NSRP1: variants seen among roughly 807,000 people sequenced by gnomAD.
The protein encoded by NSRP1 is nuclear speckle splicing regulatory protein 1, also known as coiled-coil domain containing 55.
NSRP1 carries 24 observed loss-of-function variants against 54.7 expected under a neutral mutation model. The ratio of observed to expected loss-of-function variants is 0.44; its 90% CI spans 0.32 to 0.62. The LOEUF (loss-of-function observed/expected upper bound fraction) is 0.62, where lower values mean the gene tolerates loss of function less well. Ranked by LOEUF, NSRP1 falls within the 20% of genes least tolerant of loss-of-function variation. The pLI is 0.06. For synonymous variants in NSRP1, 210 were observed against 213.8 expected, an observed-to-expected ratio of 0.98 and a Z score of 0.15; for missense variants, 596 against 651.2, an observed-to-expected ratio of 0.92 and a Z score of 0.92.
chr17:30,122,387 T>TATATATTTA (rs56155916), intron 2 of NSRP1: 1 of 8,848 alleles, frequency 1.1e-4, no homozygotes, highest in Non-Finnish European at 2.1e-4. Flanking sequence ...ATATATATAT[T>TATATATTTA]TTTTTTTTTT....
At chr17:30,158,700 A>T (rs1904408447) in intron 2 of NSRP1, among the ~76,000 whole-genome samples, 1 of 152,068 alleles carries the variant, frequency 6.6e-6, no homozygotes, top group East Asian at 1.9e-4. Context: ...TTCTCCTAGC[A>T]CCATTTATTG....
intron 2 of NSRP1, among the ~76,000 whole-genome samples, chr17:30,149,867 T>C (rs1038629642): frequency 2.0e-5 from 3 of 150,482 alleles, no homozygotes; most frequent in African/African-American, 7.4e-5. Flanking sequence ...CCAAAAGCTC[T>C]GTGGTTTTTA....
intron 2 of NSRP1, chr17:30,122,500 T>C (rs1354467556): frequency 7.0e-6 from 1 of 142,702 alleles, no homozygotes; most frequent in Non-Finnish European, 1.5e-5. Flanking sequence ...TGCCTCCCTG[T>C]TTCAAGCAAT....
intron 2 of NSRP1, chr17:30,122,376 TATATATATA>T (rs1332813453): frequency 4.7e-4 from 17 of 35,954 alleles, no homozygotes; most frequent in Non-Finnish European, 8.0e-4. Flanking sequence ...TATATATATA[TATATATATA>T]TTTTTTTTTT....
At chr17:30,167,338 C>T (rs945299070) in intron 2 of NSRP1, among the ~76,000 whole-genome samples, 6 of 152,088 alleles carry the variant, frequency 3.9e-5, no homozygotes, top group Non-Finnish European at 4.4e-5. Context: ...TGGCCGGGCA[C>T]GGTGGCTCAC....
At chr17:30,173,332 C>G (rs1327738488) in intron 3 of NSRP1, among the ~76,000 whole-genome samples, 2 of 152,130 alleles carry the variant, frequency 1.3e-5, no homozygotes. Flanking sequence ...ACAGTTCTCA[C>G]AAACTTGCCC....
In NSRP1 at chr17:30,186,338, A is replaced by C. The variant is rs1385046311; in HGVS notation, c.*664A>C. On this transcript the variant is annotated 3_prime_UTR_variant, in exon 7 of 7. Transcript: ENST00000247026. ...GTTGCAGGAAATGTATTTCAGATAA[A>C]ATATGGATTTGAAAAACAGAAAATA... 6.6e-6 allele frequency: 1 copy of C among 152,226 alleles called. No individual in the cohort carries two copies. The highest frequency in any genetic ancestry group is 1.5e-5 in the Non-Finnish European group (1 of 68,026). The allele number at this position is 152,226 out of a possible 1,614,324, so 9.4% of individuals were successfully genotyped here.
At chr17:30,179,848 CT>C (rs560454110) in intron 5 of NSRP1, among the ~76,000 whole-genome samples, 8 of 149,544 alleles carry the variant, frequency 5.3e-5, no homozygotes, top group African/African-American at 9.8e-5. Flanking sequence ...TTATAAAATA[CT>C]TTTTTTTTTG....
rs1380090078 is a variant in NSRP1, at chr17:30,138,949, G to T, written c.114+20776G>T. The stretch of plus-strand genomic sequence containing the variant: ...TTTTTTTTTTTTGAGATGGAGTCTC[G>T]CTTTGTCGCCCAGGCTGGAGTGCAG... On this transcript the variant is annotated intron_variant, in intron 2 of 6. Transcript: ENST00000247026. Among the ~76,000 whole-genome samples, 4 of 112,822 alleles carry T rather than the reference G, an allele frequency of 3.5e-5. No individual in the cohort carries two copies. The Admixed American group carries it at 4.1e-4, about 11-fold the overall frequency. The allele number at this position is 112,822 out of a possible 152,430, so 74.0% of individuals were successfully genotyped here. A position where few individuals can be genotyped will look rare whatever the true frequency, so the allele number is the denominator to read the frequency against.
At chr17:30,131,641 G>C (rs1184129344) in intron 2 of NSRP1, among the ~76,000 whole-genome samples, 1 of 152,156 alleles carries the variant, frequency 6.6e-6, no homozygotes, top group Non-Finnish European at 1.5e-5. Flanking sequence ...CTTTTTGCTG[G>C]TGGAGGGTTT....
chr17:30,162,111 ATCTCCCAGGTTCAGGTGAT>A (rs1904540195), intron 2 of NSRP1, among the ~76,000 whole-genome samples: 1 of 148,256 alleles, frequency 6.7e-6, no homozygotes, highest in African/African-American at 2.5e-5. Flanking sequence ...AACCTCCTCC[ATCTCCCAGGTTCAGGTGAT>A]TCTCCTGCCT....
intron 2 of NSRP1, among the ~76,000 whole-genome samples, chr17:30,158,271 A>G (rs139698513): frequency 3.4e-5 from 5 of 147,482 alleles, no homozygotes; most frequent in African/African-American, 1.2e-4. Context: ...CTTTTGAGAA[A>G]TGTCTATTTC....
chr17:30,171,984 T>C (rs1258609636), intron 2 of NSRP1, among the ~76,000 whole-genome samples: 1 of 107,730 alleles, frequency 9.3e-6, no homozygotes, highest in Non-Finnish European at 2.1e-5. Flanking sequence ...TCCCTCTCTC[T>C]CTCTCTCTCT....
chr17:30,158,537 TCAACCA>T (rs1490310125), intron 2 of NSRP1, among the ~76,000 whole-genome samples: 2 of 152,260 alleles, frequency 1.3e-5, no homozygotes, highest in Admixed American at 6.5e-5. Context: ...ACTCTTTGCC[TCAACCA>T]GTGTCCCTGG....
rs528341547 is a variant in NSRP1 at position 30,136,206 on chromosome 17, A to G, written c.114+18033A>G. ...CAAAAAGAGTATTGGGTATGATACA[A>G]TTGAGAACTACCAGTCTGGGCTTTC... On this transcript the variant is annotated intron_variant, in intron 2 of 6. Transcript: ENST00000247026. Among the ~76,000 whole-genome samples the G allele has an allele frequency of 9.2e-5, 14 of 152,350 alleles. 1 individual carries two copies. The South Asian group carries it at 1.2e-3, about 14-fold the overall frequency.
intron 2 of NSRP1, chr17:30,122,544 A>G (rs1477054308): frequency 1.3e-5 from 2 of 150,312 alleles, no homozygotes; most frequent in East Asian, 3.9e-4. Context: ...AGCTGGGATT[A>G]CAGGCGTGTG....
Position 30,184,715 on chromosome 17 carries a change from G to C in NSRP1, c.718G>C (p.Val240Leu), listed in dbSNP as rs1905444525. 1.9e-6 allele frequency: 3 copies of C among 1,614,078 alleles called. No individual in the cohort carries two copies. The highest frequency in any genetic ancestry group is 1.7e-6 in the Non-Finnish European group (2 of 1,179,986). Reference sequence around the variant, plus strand: ...ATGCATTCTTCAAACTGATGTGAAAGTAGAGGAAAACCCAGATGCAGACAG... The same window carrying C: ...ATGCATTCTTCAAACTGATGTGAAACTAGAGGAAAACCCAGATGCAGACAG... ...EKCILQTDVK[V>L]EENPDADSDF... Residue 240 changes from valine to leucine, a missense_variant, in exon 7 of 7, where the codon GTA becomes CTA. Coordinates refer to ENST00000247026, the MANE Select transcript of NSRP1 (RefSeq NM_032141.4).
At chr17:30,142,255 G>GT (rs1394601326) in intron 2 of NSRP1, among the ~76,000 whole-genome samples, 2 of 152,078 alleles carry the variant, frequency 1.3e-5, no homozygotes, top group Admixed American at 6.5e-5. Flanking sequence ...TTGAAATAAG[G>GT]TTTTTTTAAA....
intron 5 of NSRP1, among the ~76,000 whole-genome samples, chr17:30,180,584 G>A (rs548494476): frequency 9.2e-5 from 14 of 152,304 alleles, no homozygotes; most frequent in Non-Finnish European, 1.6e-4. Flanking sequence ...CATATTTTAA[G>A]ACTTTAAATT....
Sources: allele counts gnomAD v4.1 joint callset (sites outside exome capture counted in the v4.1 genomes callset), GRCh38; gene constraint gnomAD v4.1.1; transcripts MANE v1.5; gene names NCBI Gene and HGNC (gene_info 2026-07-23, HGNC 2026-07-21).